The following TENM4 variants were observed in gnomAD, a reference collection of about 807,000 sequenced individuals.
TENM4 encodes teneurin-4.
TENM4 carries 82 observed loss-of-function variants against 243.3 expected under a neutral mutation model. That is an observed-to-expected ratio of 0.34 (90% CI 0.28 to 0.40). The LOEUF (loss-of-function observed/expected upper bound fraction) is 0.40, where lower values mean the gene tolerates loss of function less well. Ranked by LOEUF, TENM4 falls within the 10% of genes least tolerant of loss-of-function variation. The probability of loss-of-function intolerance (pLI) is 1.00; values close to 1 mark genes in which losing one functional copy is unlikely to be tolerated. For missense variants in TENM4, 3,138 were observed against 3,673.3 expected, an observed-to-expected ratio of 0.85 and a Z score of 3.77; for synonymous variants, 1,412 against 1,456.3, an observed-to-expected ratio of 0.97 and a Z score of 0.69.
At chr11:79,020,388 A>G (rs1187785872) in intron 6 of TENM4, among the ~76,000 whole-genome samples, 1 of 152,234 alleles carries the variant, frequency 6.6e-6, no homozygotes, top group Non-Finnish European at 1.5e-5. Flanking sequence ...TTCTATTTCA[A>G]TAATGAAAAG....
At chr11:79,104,720 G>A (rs1357930302) in intron 4 of TENM4, among the ~76,000 whole-genome samples, 3 of 152,214 alleles carry the variant, frequency 2.0e-5, no homozygotes, top group South Asian at 2.1e-4. Flanking sequence ...CCATTAAAAC[G>A]TTATTAGTGG....
chr11:79,216,359 A>G (rs957085605), intron 2 of TENM4, among the ~76,000 whole-genome samples: 2 of 152,228 alleles, frequency 1.3e-5, no homozygotes, highest in African/African-American at 4.8e-5. Context: ...TAGACAAGGA[A>G]TGCAACATGG....
intron 19 of TENM4, among the ~76,000 whole-genome samples, chr11:78,754,346 G>A (rs1856255913): frequency 6.6e-6 from 1 of 152,176 alleles, no homozygotes; most frequent in African/African-American, 2.4e-5. Context: ...CAGACTTGCT[G>A]GAGCAACAAT....
At chr11:79,164,267 AC>A (rs1862848851) in intron 3 of TENM4, among the ~76,000 whole-genome samples, 2 of 106,446 alleles carry the variant, frequency 1.9e-5, no homozygotes, top group Admixed American at 9.6e-5. Context: ...ATATAGATAT[AC>A]TAGTATATAT....
At chr11:78,935,065 G>A (rs1037968293) in intron 6 of TENM4, among the ~76,000 whole-genome samples, 5 of 129,636 alleles carry the variant, frequency 3.9e-5, no homozygotes, top group African/African-American at 1.5e-4. Flanking sequence ...ACTGCGGACT[G>A]CAGTGGCGCA....
At chr11:78,912,812 TC>T (rs2136356667) in intron 6 of TENM4, among the ~76,000 whole-genome samples, 2 of 152,324 alleles carry the variant, frequency 1.3e-5, no homozygotes, top group South Asian at 4.1e-4. Context: ...GCCAAGAGCA[TC>T]AAAACCTGTC....
At chr11:79,027,821 T>C (rs1370140380) in intron 6 of TENM4, among the ~76,000 whole-genome samples, 1 of 152,182 alleles carries the variant, frequency 6.6e-6, no homozygotes, top group East Asian at 1.9e-4. Context: ...GTTCAGCTGG[T>C]GCCTGTTGGG....
chr11:78,841,666 G>A, intron 12 of TENM4, among the ~76,000 whole-genome samples: 1 of 151,974 alleles, frequency 6.6e-6, no homozygotes, highest in Non-Finnish European at 1.5e-5. Flanking sequence ...TTCCCCCCTG[G>A]CTCCTTTCCC....
intron 6 of TENM4, among the ~76,000 whole-genome samples, chr11:78,971,206 T>A (rs55815633): frequency 1.3e-5 from 2 of 152,146 alleles, no homozygotes; most frequent in Admixed American, 6.5e-5. Flanking sequence ...AAGATTTTTT[T>A]AAAAACCTCA....
rs1858030320 is a variant in TENM4 at position 78,833,620 on chromosome 11, T to G, written c.1682-19225A>C. 2.0e-5 allele frequency among the ~76,000 whole-genome samples: 3 copies of G among 152,312 alleles called. No individual in the cohort carries two copies. The South Asian group carries it at 6.2e-4, about 32-fold the overall frequency. Reference sequence around the variant, plus strand: ...GGTTGTTTTCCAGGCCTGCTAAGCATTCATCATTTGTGACTTCTTATCACC... The same window carrying G: ...GGTTGTTTTCCAGGCCTGCTAAGCAGTCATCATTTGTGACTTCTTATCACC... On this transcript the variant is annotated intron_variant, in intron 12 of 33. Coordinates refer to ENST00000278550, the MANE Select transcript of TENM4 (RefSeq NM_001098816.3).
At chr11:79,401,297 C>T (rs550311792) in intron 1 of TENM4, among the ~76,000 whole-genome samples, 1 of 152,232 alleles carries the variant, frequency 6.6e-6, no homozygotes, top group African/African-American at 2.4e-5. Context: ...CCTGCCCTCT[C>T]GGAGCTCACA....
chr11:78,870,796 C>T (rs1177905112), intron 9 of TENM4, among the ~76,000 whole-genome samples: 1 of 152,140 alleles, frequency 6.6e-6, no homozygotes. Context: ...GTGAGCCCAC[C>T]ACCAATACAG....
chr11:79,235,131 G>C (rs1043641597), intron 2 of TENM4, among the ~76,000 whole-genome samples: 1 of 152,096 alleles, frequency 6.6e-6, no homozygotes, highest in Non-Finnish European at 1.5e-5. Context: ...GGCTAACACG[G>C]TGAAACCCCG....
At chr11:78,987,105 T>G (rs1016915299) in intron 6 of TENM4, among the ~76,000 whole-genome samples, 1 of 152,206 alleles carries the variant, frequency 6.6e-6, no homozygotes, top group Non-Finnish European at 1.5e-5. Context: ...TTCCTCCCCA[T>G]CATATTATTT....
chr11:78,754,017 T>C lies in TENM4; in HGVS notation c.2756+2788A>G, dbSNP rs181766729. ...GTAAAATAGATAATATGTCCATCCTTCCTCCCTCCCTCAGTTCTTCCATTT... is the reference window on the plus strand; with the variant it reads ...GTAAAATAGATAATATGTCCATCCTCCCTCCCTCCCTCAGTTCTTCCATTT... On this transcript the variant is annotated intron_variant, in intron 19 of 33. Transcript: ENST00000278550. Among the ~76,000 whole-genome samples the C allele has an allele frequency of 2.8e-3, 431 of 152,324 alleles. 3 individuals are homozygous for C. The highest frequency in any genetic ancestry group is 9.8e-3 in the African/African-American group (408 of 41,562).
intron 6 of TENM4, among the ~76,000 whole-genome samples, chr11:78,935,482 A>C (rs1856765028): frequency 6.6e-6 from 1 of 152,204 alleles, no homozygotes; most frequent in Non-Finnish European, 1.5e-5. Flanking sequence ...CAGGTGAGGA[A>C]ATGGGCTCAG....
intron 17 of TENM4, among the ~76,000 whole-genome samples, chr11:78,773,979 T>C (rs1023002710): frequency 2.0e-5 from 3 of 152,244 alleles, no homozygotes; most frequent in African/African-American, 7.2e-5. Flanking sequence ...CCATGTGTTG[T>C]AATAGAGCGA....
rs767210566 is a variant in TENM4, at chr11:79,360,506, G to A, written c.-320-62963C>T. On this transcript the variant is annotated intron_variant, in intron 1 of 33. Transcript: ENST00000278550. ...CATCAATGGTATGACCAAGAAGCAC[G>A]CAAGATGGTGCTGCACCAACCATAT... Among the ~76,000 whole-genome samples the A allele has an allele frequency of 1.7e-4, 26 of 152,122 alleles. 1 individual carries two copies. The highest frequency in any genetic ancestry group is 7.4e-5 in the Non-Finnish European group (5 of 68,022).
chr11:78,851,716 AG>A (rs1858543916), intron 12 of TENM4, among the ~76,000 whole-genome samples: 1 of 152,186 alleles, frequency 6.6e-6, no homozygotes, highest in Non-Finnish European at 1.5e-5. Context: ...GAGAGAAAAA[AG>A]AATCAGGGCC....
Sources: allele counts gnomAD v4.1 joint callset (sites outside exome capture counted in the v4.1 genomes callset), GRCh38; gene constraint gnomAD v4.1.1; transcripts MANE v1.5; gene names NCBI Gene and HGNC (gene_info 2026-07-23, HGNC 2026-07-21).